The following KCNQ3 variants were observed in gnomAD, a reference collection of about 807,000 sequenced individuals.
KCNQ3 encodes potassium voltage-gated channel subfamily KQT member 3.
KCNQ3 carries 30 observed loss-of-function variants against 92.5 expected under a neutral mutation model. That is an observed-to-expected ratio of 0.32 (90% confidence interval 0.24 to 0.44). The LOEUF (loss-of-function observed/expected upper bound fraction) is 0.44. KCNQ3 is among the 20% of genes least tolerant of loss of function. KCNQ3 has a pLI of 1.00. For synonymous variants in KCNQ3, 450 were observed against 468.8 expected (o/e 0.96, Z 0.52); for missense variants, 913 against 1,140.3 (o/e 0.80, Z 2.87).
intron 1 of KCNQ3, among the ~76,000 whole-genome samples, chr8:132,370,245 A>G (rs1819437897): frequency 6.6e-6 from 1 of 152,186 alleles, no homozygotes; most frequent in African/African-American, 2.4e-5. Flanking sequence ...TGTATTTGTG[A>G]TCCTCTTGGT....
intron 1 of KCNQ3, among the ~76,000 whole-genome samples, chr8:132,381,084 G>A (rs922509104): frequency 7.2e-5 from 11 of 152,192 alleles, no homozygotes; most frequent in Non-Finnish European, 1.5e-5. Flanking sequence ...TAATTACTGA[G>A]TGCCACTATG....
chr8:132,303,601 G>GGGGT (rs1817302389), intron 1 of KCNQ3, among the ~76,000 whole-genome samples: 1 of 17,510 alleles, frequency 5.7e-5, no homozygotes, highest in Non-Finnish European at 9.3e-5. Context: ...ATATATATAT[G>GGGGT]GTGTGTATAT....
intron 1 of KCNQ3, among the ~76,000 whole-genome samples, chr8:132,203,660 C>T (rs1827531256): frequency 6.6e-6 from 1 of 152,080 alleles, no homozygotes; most frequent in Non-Finnish European, 1.5e-5. Flanking sequence ...TGCTGTGTGA[C>T]TCTGAGTAAG....
intron 1 of KCNQ3, among the ~76,000 whole-genome samples, chr8:132,464,504 C>T (rs541469625): frequency 1.8e-4 from 27 of 152,330 alleles, no homozygotes; most frequent in African/African-American, 4.3e-4. Context: ...AGTCCTCATT[C>T]GCTTTACACA....
intron 1 of KCNQ3, among the ~76,000 whole-genome samples, chr8:132,216,982 T>G (rs1288691523): frequency 6.6e-6 from 1 of 152,178 alleles, no homozygotes; most frequent in Non-Finnish European, 1.5e-5. Context: ...TAAAATAAAT[T>G]ATGTTAAAAA....
intron 1 of KCNQ3, among the ~76,000 whole-genome samples, chr8:132,229,618 A>G (rs1814564132): frequency 6.6e-6 from 1 of 152,022 alleles, no homozygotes; most frequent in South Asian, 2.1e-4. Flanking sequence ...TGGAACTCCT[A>G]AAAGACTATT....
At chr8:132,454,157 T>G (rs1821888095) in intron 1 of KCNQ3, among the ~76,000 whole-genome samples, 1 of 152,138 alleles carries the variant, frequency 6.6e-6, no homozygotes, top group African/African-American at 2.4e-5. Flanking sequence ...GAGAGATGAA[T>G]CTGAGTGGTA....
chr8:132,473,385 C>T (rs552629880), intron 1 of KCNQ3, among the ~76,000 whole-genome samples: 25 of 152,304 alleles, frequency 1.6e-4, no homozygotes, highest in African/African-American at 5.5e-4. Flanking sequence ...GGGATTCATT[C>T]TACTCTGGCT....
intron 1 of KCNQ3, among the ~76,000 whole-genome samples, chr8:132,448,412 G>A (rs1313118403): frequency 6.8e-6 from 1 of 147,686 alleles, no homozygotes; most frequent in Non-Finnish European, 1.5e-5. Context: ...TGTCAAGGGA[G>A]TTCAAAAGCA....
At chr8:132,244,876 A>G (rs1815112396) in intron 1 of KCNQ3, among the ~76,000 whole-genome samples, 2 of 147,474 alleles carry the variant, frequency 1.4e-5, no homozygotes, top group Non-Finnish European at 3.0e-5. Flanking sequence ...ATAGAAGCAC[A>G]GTTTTTATTA....
intron 1 of KCNQ3, among the ~76,000 whole-genome samples, chr8:132,252,776 T>C (rs780187548): frequency 2.0e-5 from 3 of 152,190 alleles, no homozygotes; most frequent in African/African-American, 4.8e-5. Context: ...AGAGCGCTGA[T>C]TGGTGCGTTT....
Position 132,480,442 on chromosome 8 carries a change from C to T in KCNQ3, c.91G>A (p.Gly31Arg), listed in dbSNP as rs1433483426. The change falls in exon 1 of 15, where the codon GGG (glycine) becomes AGG (arginine). Residue 31 changes from glycine to arginine, a missense_variant. Transcript: ENST00000388996. Reference protein sequence around the residue: ...GGGGAANPAGGDAAAAGDEER... With the variant: ...GGGGAANPAGRDAAAAGDEER... ...TCGTCGCCGGCCGCCGCCGCGTCCC[C>T]TCCGGCTGGGTTAGCCGCCCCGCCG... The T allele has an allele frequency of 1.8e-5, 25 of 1,417,074 alleles. No individual in the cohort carries two copies. Among genetic ancestry groups the T allele is most frequent in the East Asian group, 3.0e-5 (1 of 33,620 alleles). The allele number at this position is 1,417,074 out of a possible 1,614,324, so 87.8% of individuals were successfully genotyped here.
chr8:132,304,997 G>T (rs1817373746), intron 1 of KCNQ3, among the ~76,000 whole-genome samples: 2 of 152,080 alleles, frequency 1.3e-5, no homozygotes, highest in Admixed American at 1.3e-4. Context: ...TAAGTGTGCT[G>T]GTTCTTCTGC....
chr8:132,368,429 G>C (rs1471462640), intron 1 of KCNQ3, among the ~76,000 whole-genome samples: 1 of 152,112 alleles, frequency 6.6e-6, no homozygotes, highest in Non-Finnish European at 1.5e-5. Context: ...AAGGCAGGAG[G>C]ATCACTTGAG....
At chr8:132,463,642 C>T (rs757769626) in intron 1 of KCNQ3, among the ~76,000 whole-genome samples, 5 of 152,164 alleles carry the variant, frequency 3.3e-5, no homozygotes, top group Admixed American at 6.5e-5. Context: ...TCAGGTGACT[C>T]GGGCCAGGCA....
chr8:132,205,661 CT>C (rs987992605), intron 1 of KCNQ3, among the ~76,000 whole-genome samples: 2 of 152,190 alleles, frequency 1.3e-5, no homozygotes, highest in Admixed American at 1.3e-4. Flanking sequence ...GATCTTAGCC[CT>C]AGCCTCCTTA....
chr8:132,163,392 C>A (rs1826049390), intron 9 of KCNQ3, 76 bp downstream of exon 9: 5 of 1,218,406 alleles, frequency 4.1e-6, no homozygotes, highest in Non-Finnish European at 6.1e-6. Flanking sequence ...TCCCATGGGG[C>A]CCTACACCAT....
chr8:132,479,994 C>CACACACACA (rs1554660748), intron 1 of KCNQ3, among the ~76,000 whole-genome samples, 153 bp downstream of exon 1: 3 of 111,098 alleles, frequency 2.7e-5, no homozygotes, highest in East Asian at 2.7e-4. Context: ...ACACACACAC[C>CACACACACA]CAGGGAAACG....
At chr8:132,461,910 T>C (rs1822069835) in intron 1 of KCNQ3, among the ~76,000 whole-genome samples, 1 of 152,260 alleles carries the variant, frequency 6.6e-6, no homozygotes, top group African/African-American at 2.4e-5. Context: ...TCTTTGTATG[T>C]TTGCTACAAG....
Sources: gnomAD v4.1 joint callset for allele counts (sites outside exome capture counted in the v4.1 genomes callset) on GRCh38, gnomAD v4.1.1 for gene constraint, MANE v1.5 for transcripts, NCBI Gene and HGNC (gene_info 2026-07-23, HGNC 2026-07-21) for gene names.